The following GBE1 variants were observed in gnomAD, a reference collection of about 807,000 sequenced individuals.
The protein encoded by GBE1 is 1,4-alpha-glucan-branching enzyme.
GBE1 carries 70 observed loss-of-function variants against 88.8 expected under a neutral mutation model. The observed-to-expected ratio is 0.79, with a 90% CI of 0.65 to 0.96. The LOEUF (loss-of-function observed/expected upper bound fraction) is 0.96. Among genes scored for constraint, GBE1 ranks in the 40% least tolerant of loss-of-function variants. GBE1 has a pLI of 0.00. For missense variants in GBE1, 872 were observed against 871.0 expected (o/e 1.00, Z -0.01); for synonymous variants, 284 against 300.1 (o/e 0.95, Z 0.56).
At chr3:81,664,518 C>T (rs1705083235) in intron 3 of GBE1, among the ~76,000 whole-genome samples, 1 of 150,498 alleles carries the variant, frequency 6.6e-6, no homozygotes, top group African/African-American at 2.4e-5. Context: ...GCAGCTGGGC[C>T]TAAAACGCCC....
intron 7 of GBE1, among the ~76,000 whole-genome samples, chr3:81,629,369 T>C (rs1304748077): frequency 6.6e-6 from 1 of 151,916 alleles, no homozygotes; most frequent in African/African-American, 2.4e-5. Flanking sequence ...CATCATTTTT[T>C]ATGGCTGCAT....
intron 12 of GBE1, among the ~76,000 whole-genome samples, chr3:81,577,724 T>C (rs573735996): frequency 2.6e-5 from 4 of 152,200 alleles, no homozygotes; most frequent in African/African-American, 9.6e-5. Flanking sequence ...TTTTAGACTA[T>C]ACTTTTGTAT....
At chr3:81,581,641 A>G (rs1703733150) in intron 10 of GBE1, among the ~76,000 whole-genome samples, 2 of 152,152 alleles carry the variant, frequency 1.3e-5, no homozygotes, top group South Asian at 2.1e-4. Flanking sequence ...TGTACATGGT[A>G]GAGATACACT....
intron 11 of GBE1, among the ~76,000 whole-genome samples, chr3:81,579,293 T>C (rs1285578130): frequency 6.6e-6 from 1 of 152,076 alleles, no homozygotes; most frequent in Non-Finnish European, 1.5e-5. Context: ...TACATTTATA[T>C]TTTTTATCAG....
intron 2 of GBE1, among the ~76,000 whole-genome samples, chr3:81,687,481 T>TC (rs1705458115): frequency 6.6e-6 from 1 of 152,198 alleles, no homozygotes; most frequent in Non-Finnish European, 1.5e-5. Flanking sequence ...GCTTCTCTTT[T>TC]CTCTGAAAAG....
At chr3:81,588,276 CA>C (rs1703826539) in intron 9 of GBE1, among the ~76,000 whole-genome samples, 1 of 151,994 alleles carries the variant, frequency 6.6e-6, no homozygotes, top group Non-Finnish European at 1.5e-5. Context: ...TTCTATTTAT[CA>C]AAATATAAGT....
intron 2 of GBE1, among the ~76,000 whole-genome samples, chr3:81,697,084 C>A (rs1272777824): frequency 1.3e-5 from 2 of 152,078 alleles, no homozygotes; most frequent in Non-Finnish European, 2.9e-5. Flanking sequence ...CAAGACTGCC[C>A]CCCACACCAG....
intron 1 of GBE1, among the ~76,000 whole-genome samples, chr3:81,706,674 A>G (rs1324903036): frequency 6.6e-6 from 1 of 152,182 alleles, no homozygotes; most frequent in African/African-American, 2.4e-5. Flanking sequence ...AATGAACCAC[A>G]TCTCAACTTA....
chr3:81,684,673 T>C (rs1056768584), intron 2 of GBE1, among the ~76,000 whole-genome samples: 35 of 152,210 alleles, frequency 2.3e-4, no homozygotes, highest in African/African-American at 8.0e-4. Flanking sequence ...AGCAGAAATT[T>C]AACTAGATTT....
intron 14 of GBE1, among the ~76,000 whole-genome samples, chr3:81,531,871 T>C (rs1703015277): frequency 6.6e-6 from 1 of 152,050 alleles, no homozygotes; most frequent in Admixed American, 6.6e-5. Flanking sequence ...GTGTTGGGTC[T>C]AGCTGGAACT....
rs549022399 is a variant in GBE1, at chr3:81,645,172, G to A, written c.782+1220C>T. 9.9e-5 allele frequency among the ~76,000 whole-genome samples: 15 copies of A among 152,274 alleles called. No individual in the cohort carries two copies. In the South Asian group the frequency reaches 2.3e-3, roughly 23 times the overall value. ...ATATATTTAAGCTACAAAACTGGATGAGACTTGATGAGATCCTCCCGAATA... is the reference window on the plus strand; with the variant it reads ...ATATATTTAAGCTACAAAACTGGATAAGACTTGATGAGATCCTCCCGAATA... On this transcript the variant is annotated intron_variant, in intron 6 of 15. Transcript: ENST00000429644.
chr3:81,622,037 C>A (rs569067664), intron 7 of GBE1, among the ~76,000 whole-genome samples: 1 of 152,282 alleles, frequency 6.6e-6, no homozygotes, highest in South Asian at 2.1e-4. Flanking sequence ...CTATCACCTA[C>A]CTTAAAAGAA....
At chr3:81,729,152 C>A (rs915704070) in intron 1 of GBE1, among the ~76,000 whole-genome samples, 9 of 152,104 alleles carry the variant, frequency 5.9e-5, no homozygotes, top group Non-Finnish European at 4.4e-5. Flanking sequence ...AATGGAATTC[C>A]ACTATAAAAT....
chr3:81,624,341 GA>G (rs1704374085), intron 7 of GBE1, among the ~76,000 whole-genome samples: 1 of 152,158 alleles, frequency 6.6e-6, no homozygotes, highest in Non-Finnish European at 1.5e-5. Context: ...TTACATTCAA[GA>G]TGAGATCTGG....
chr3:81,667,435 A>C (rs1200156509), intron 3 of GBE1, among the ~76,000 whole-genome samples: 1 of 152,024 alleles, frequency 6.6e-6, no homozygotes, highest in Non-Finnish European at 1.5e-5. Context: ...AATACCCTTT[A>C]TTTCTTTCTC....
chr3:81,586,911 C>G (rs1433245826), intron 9 of GBE1, among the ~76,000 whole-genome samples: 1 of 152,044 alleles, frequency 6.6e-6, no homozygotes, highest in Admixed American at 6.6e-5. Context: ...GCCTCAGCCT[C>G]CCGAATAGCT....
chr3:81,571,539 G>A (rs1044938968), intron 12 of GBE1, among the ~76,000 whole-genome samples: 18 of 152,104 alleles, frequency 1.2e-4, no homozygotes, highest in South Asian at 4.1e-4. Context: ...AGGTATACCC[G>A]GAGAGTTATA....
At chr3:81,615,443 C>T (rs147052159) in intron 7 of GBE1, among the ~76,000 whole-genome samples, 39 of 152,314 alleles carry the variant, frequency 2.6e-4, no homozygotes, top group African/African-American at 9.4e-4. Context: ...CCTGTTTTCT[C>T]ACCACCACCC....
At chr3:81,740,598 C>T (rs1368017457) in intron 1 of GBE1, among the ~76,000 whole-genome samples, 1 of 152,036 alleles carries the variant, frequency 6.6e-6, no homozygotes, top group African/African-American at 2.4e-5. Context: ...CAATAAGGCC[C>T]AGAATTGAAA....
Sources: gnomAD v4.1 joint callset for allele counts (sites outside exome capture counted in the v4.1 genomes callset) on GRCh38, gnomAD v4.1.1 for gene constraint, MANE v1.5 for transcripts, NCBI Gene and HGNC (gene_info 2026-07-23, HGNC 2026-07-21) for gene names.